CDKL3: variants seen among roughly 807,000 people sequenced by gnomAD.
The protein encoded by CDKL3 is cyclin-dependent kinase-like 3.
A neutral mutation model predicts 69.3 loss-of-function variants in CDKL3; 65 were observed. The observed-to-expected ratio is 0.94, with a 90% CI of 0.77 to 1.15. CDKL3 has a LOEUF of 1.15. Ranked by LOEUF, CDKL3 falls within the 50% of genes most tolerant of loss-of-function variation. The pLI, the probability that CDKL3 is intolerant of heterozygous loss-of-function variation, is 0.00. For synonymous variants in CDKL3, 202 were observed against 221.6 expected (o/e 0.91, Z 0.79); for missense variants, 652 against 689.2 (o/e 0.95, Z 0.61).
intron 3 of CDKL3, 125 bp from the exon 4 acceptor site, chr5:134,350,552 GGATT>G (rs1752994423): frequency 1.6e-5 from 10 of 642,596 alleles, no homozygotes; most frequent in South Asian, 1.1e-4. Context: ...CACATGCAAA[GGATT>G]AATTACACAA....
At chr5:134,355,334 A>G (rs1340337159) in intron 3 of CDKL3, among the ~76,000 whole-genome samples, 1 of 152,114 alleles carries the variant, frequency 6.6e-6, no homozygotes, top group Non-Finnish European at 1.5e-5. Flanking sequence ...TCACACAAAT[A>G]TAAAATAACA....
At chr5:134,351,991 C>T (rs1753421084) in intron 3 of CDKL3, among the ~76,000 whole-genome samples, 1 of 152,006 alleles carries the variant, frequency 6.6e-6, no homozygotes, top group African/African-American at 2.4e-5. Context: ...ATCTCTTGAA[C>T]TTATTCCTTC....
At chr5:134,290,521 C>A (rs377265102) in intron 8 of CDKL3, among the ~76,000 whole-genome samples, 4 of 151,958 alleles carry the variant, frequency 2.6e-5, no homozygotes, top group African/African-American at 9.7e-5. Context: ...TGCAAAGGGG[C>A]CAGTGGGCCT....
intron 4 of CDKL3, among the ~76,000 whole-genome samples, chr5:134,336,381 T>C (rs537574324): frequency 1.1e-4 from 17 of 152,190 alleles, no homozygotes; most frequent in South Asian, 8.3e-4. Context: ...TGAGGAGTTG[T>C]GTTCCTTTGG....
At chr5:134,326,829 A>ATGTGTGTGTGTG (rs780866668) in intron 4 of CDKL3, among the ~76,000 whole-genome samples, 1 of 86,304 alleles carries the variant, frequency 1.2e-5, no homozygotes, top group African/African-American at 5.6e-5. Context: ...ATATATATAT[A>ATGTGTGTGTGTG]TATATATATA....
chr5:134,306,451 C>T (rs1050069241), intron 10 of CDKL3, among the ~76,000 whole-genome samples, 158 bp downstream of exon 10: 5 of 151,880 alleles, frequency 3.3e-5, no homozygotes, highest in Non-Finnish European at 7.4e-5. Context: ...GAGCTGAGAT[C>T]GTACCACTGC....
intron 12 of CDKL3, chr5:134,302,136 T>C (rs1183954211): frequency 2.2e-6 from 1 of 456,154 alleles, no homozygotes; most frequent in Admixed American, 2.3e-5. Flanking sequence ...TTCAACAAGA[T>C]TACCTGATAG....
At chr5:134,346,684 C>CG (rs1332013442) in intron 4 of CDKL3, among the ~76,000 whole-genome samples, 1 of 151,938 alleles carries the variant, frequency 6.6e-6, no homozygotes, top group South Asian at 2.1e-4. Flanking sequence ...TTAGTAGAGA[C>CG]GGGGTTTCTC....
intron 4 of CDKL3, among the ~76,000 whole-genome samples, chr5:134,340,507 T>C (rs1420219461): frequency 1.3e-5 from 2 of 152,104 alleles, no homozygotes; most frequent in African/African-American, 4.8e-5. Flanking sequence ...ACTCAAAGTA[T>C]TAGAATCAGA....
chr5:134,346,545 G>A (rs920616690), intron 4 of CDKL3, among the ~76,000 whole-genome samples: 2 of 152,164 alleles, frequency 1.3e-5, no homozygotes, highest in African/African-American at 4.8e-5. Context: ...TGCCCAGGCT[G>A]AGGTGCTGCG....
At chr5:134,345,552 C>T (rs1426827205) in intron 4 of CDKL3, among the ~76,000 whole-genome samples, 1 of 152,156 alleles carries the variant, frequency 6.6e-6, no homozygotes, top group Non-Finnish European at 1.5e-5. Context: ...CGGGCTGAGT[C>T]CGAAAAGAGA....
At chr5:134,317,279 G>A (rs1359081759) in intron 6 of CDKL3, among the ~76,000 whole-genome samples, 1 of 151,996 alleles carries the variant, frequency 6.6e-6, no homozygotes, top group Non-Finnish European at 1.5e-5. Context: ...GGGACTACAG[G>A]TGCACGCCAC....
chr5:134,334,790 T>C (rs987215415), intron 4 of CDKL3, among the ~76,000 whole-genome samples: 1 of 152,220 alleles, frequency 6.6e-6, no homozygotes, highest in Non-Finnish European at 1.5e-5. Context: ...GTATATTCTG[T>C]TGATTTGGGG....
chr5:134,345,130 G>A (rs1751541076), intron 4 of CDKL3, among the ~76,000 whole-genome samples: 1 of 152,000 alleles, frequency 6.6e-6, no homozygotes, highest in African/African-American at 2.4e-5. Context: ...TTAGGGTTAG[G>A]GAGGGAGTTC....
chr5:134,342,082 C>T (rs566567125), intron 4 of CDKL3, among the ~76,000 whole-genome samples: 1 of 152,040 alleles, frequency 6.6e-6, no homozygotes, highest in African/African-American at 2.4e-5. Context: ...CTCCTTGGCA[C>T]GAGATGACGA....
chr5:134,331,550 T>C (rs1775819332), intron 4 of CDKL3, among the ~76,000 whole-genome samples: 1 of 151,716 alleles, frequency 6.6e-6, no homozygotes, highest in South Asian at 2.1e-4. Context: ...GAACATGTGG[T>C]GTTTGGTTTT....
chr5:134,368,950 C>G (rs1758031358), upstream of CDKL3, among the ~76,000 whole-genome samples: 1 of 152,058 alleles, frequency 6.6e-6, no homozygotes, highest in Non-Finnish European at 1.5e-5. Flanking sequence ...TTACTGGAGC[C>G]CAGAAGGTCA....
intron 2 of CDKL3, among the ~76,000 whole-genome samples, chr5:134,366,115 TTAAG>T (rs1172462570): frequency 3.3e-5 from 5 of 152,232 alleles, no homozygotes; most frequent in African/African-American, 9.6e-5. Context: ...GAAATTTTTA[TTAAG>T]TATTATACTT....
chr5:134,306,558 AG>A, intron 10 of CDKL3, 50 bp downstream of exon 10: 1 of 1,061,258 alleles, frequency 9.4e-7, no homozygotes, highest in Non-Finnish European at 1.4e-6. Flanking sequence ...AAAGGAAAAA[AG>A]AAGTAATGTT....
Sources: gnomAD v4.1 joint callset for allele counts (sites outside exome capture counted in the v4.1 genomes callset) on GRCh38, gnomAD v4.1.1 for gene constraint, MANE v1.5 for transcripts, NCBI Gene and HGNC (gene_info 2026-07-23, HGNC 2026-07-21) for gene names.